The following RRM2B variants were observed in gnomAD, a reference collection of about 807,000 sequenced individuals.
The protein encoded by RRM2B is ribonucleotide reductase regulatory TP53 inducible subunit M2B, also known as ribonucleoside-diphosphate reductase subunit M2 B.
A neutral mutation model predicts 45.9 loss-of-function variants in RRM2B; 20 were observed. The ratio of observed to expected loss-of-function variants is 0.44; its 90% CI spans 0.31 to 0.63. The LOEUF (loss-of-function observed/expected upper bound fraction) is 0.63, where lower values mean the gene tolerates loss of function less well. RRM2B is among the 30% of genes least tolerant of loss of function. The probability of loss-of-function intolerance (pLI) is 0.09; values close to 1 mark genes in which losing one functional copy is unlikely to be tolerated. For missense variants in RRM2B, 320 were observed against 414.7 expected (o/e 0.77, Z 1.98); for synonymous variants, 124 against 132.3 (o/e 0.94, Z 0.43).
In RRM2B at chr8:102,225,019, C is replaced by CT; in HGVS notation, c.322-2dup. The stretch of plus-strand genomic sequence containing the variant: ...GCACCTCCTGACTAAAGCGCTCCAC[C>CT]TAAGAAGATAAGGAAAATAGATATA... On this transcript the variant is annotated splice_acceptor_variant, in intron 3 of 8. Coordinates refer to ENST00000251810, the MANE Select transcript of RRM2B (RefSeq NM_015713.5). LOFTEE classifies it high-confidence loss of function. The CT allele has an allele frequency of 1.2e-6, 2 of 1,613,994 alleles. No individual in the cohort carries two copies. The highest frequency in any genetic ancestry group is 1.7e-6 in the Non-Finnish European group (2 of 1,179,982).
At position 102,224,941 on chromosome 8, in the gene RRM2B, A is replaced by G; in HGVS notation, c.399T>C (p.Val133=). Residue 133 remains valine (V), a synonymous_variant, in exon 4 of 9, where the codon GTT becomes GTC. Coordinates refer to ENST00000251810, the MANE Select transcript of RRM2B (RefSeq NM_015713.5). ...FYGFQILIEN[V]HSEMYSLLID... ...TCAGCAAACTGTACATCTCTGAGTG[A>G]ACATTCTCGATGAGAATTTGAAAGC... is the stretch of plus-strand genomic sequence containing the variant. The G allele has an allele frequency of 6.2e-7, 1 of 1,613,702 alleles. No individual in the cohort carries two copies.
rs1810776471 is a variant in RRM2B, at chr8:102,218,806, T to C, written c.684+8A>G. On this transcript the variant is annotated splice_region_variant and intron_variant, in intron 6 of 8. Coordinates refer to ENST00000251810, the MANE Select transcript of RRM2B (RefSeq NM_015713.5). Reference sequence around the variant, plus strand: ...CAAATATAACTAGAAAAACATTCCATTCCTTACTTCATCTCTGCTGATGAG... The same window carrying C: ...CAAATATAACTAGAAAAACATTCCACTCCTTACTTCATCTCTGCTGATGAG... 1 of 1,604,290 alleles carries C rather than the reference T, an allele frequency of 6.2e-7. No individual in the cohort carries two copies.
rs1810927683 is a variant in RRM2B at position 102,226,117 on chromosome 8, G to A, written c.205-83C>T. The A allele has an allele frequency of 3.7e-6, 3 of 810,356 alleles. No homozygotes were observed. The African/African-American group carries it at 5.0e-5, about 14-fold the overall frequency. The allele number at this position is 810,356 out of a possible 1,614,324, so 50.2% of individuals were successfully genotyped here. A position where few individuals can be genotyped will look rare whatever the true frequency, so the allele number is the denominator to read the frequency against. ...TTGGGAAACTAACTTCTATTGTTAA[G>A]TAGGAATATCCCACTACCAGTAAAC... On this transcript the variant is annotated intron_variant, in intron 2 of 8. Transcript: ENST00000251810.
chr8:102,237,878 A>C (rs2132569118), intron 1 of RRM2B, among the ~76,000 whole-genome samples: 1 of 152,396 alleles, frequency 6.6e-6, no homozygotes, highest in East Asian at 1.9e-4. Context: ...AACTTTCTAA[A>C]GAAATGTAGG....
At chr8:102,229,505 C>A (rs1341725849) in intron 2 of RRM2B, among the ~76,000 whole-genome samples, 1 of 152,196 alleles carries the variant, frequency 6.6e-6, no homozygotes. Flanking sequence ...AAATATGCAA[C>A]CTAAAAATCA....
intron 2 of RRM2B, among the ~76,000 whole-genome samples, chr8:102,227,501 C>T (rs938164240): frequency 2.0e-5 from 3 of 151,282 alleles, no homozygotes; most frequent in Non-Finnish European, 4.4e-5. Flanking sequence ...AGGGTTTTGC[C>T]ATATTGCCCA....
At chr8:102,224,002 T>A (rs994678969) in intron 5 of RRM2B, 44 bp downstream of exon 5, 3 of 1,353,962 alleles carry the variant, frequency 2.2e-6, no homozygotes, top group Non-Finnish European at 3.2e-6. Context: ...TACTGTCATA[T>A]CACCTTAGGC....
At chr8:102,227,548 C>T (rs766365312) in intron 2 of RRM2B, among the ~76,000 whole-genome samples, 63 of 151,924 alleles carry the variant, frequency 4.1e-4, no homozygotes, top group Middle Eastern at 6.8e-3. Context: ...GTGATCTGCC[C>T]GCCTCAACCT....
At chr8:102,222,905 C>G (rs1810860270) in intron 5 of RRM2B, among the ~76,000 whole-genome samples, 1 of 151,950 alleles carries the variant, frequency 6.6e-6, no homozygotes, top group South Asian at 2.1e-4. Flanking sequence ...TCTTAGAATG[C>G]ACTAATAAAT....
intron 2 of RRM2B, among the ~76,000 whole-genome samples, chr8:102,229,307 C>G (rs1007556811): frequency 6.6e-6 from 1 of 152,052 alleles, no homozygotes; most frequent in African/African-American, 2.4e-5. Context: ...CCTCAAGCCT[C>G]AATCTCTTTG....
chr8:102,235,566 C>T (rs990040667), intron 1 of RRM2B, among the ~76,000 whole-genome samples: 6 of 152,202 alleles, frequency 3.9e-5, no homozygotes, highest in African/African-American at 1.2e-4. Context: ...TCAGGCCCGG[C>T]GTGGTGCCTC....
rs964816030 is a variant in RRM2B, at chr8:102,238,591, C to T, written c.48+236G>A. 3.3e-6 allele frequency: 5 copies of T among 1,526,500 alleles called. No homozygotes were observed. The African/African-American group carries it at 5.5e-5, about 17-fold the overall frequency. 94.6% of individuals were successfully genotyped at this position (1,526,500 alleles called of 1,614,324 possible). On this transcript the variant is annotated intron_variant, in intron 1 of 8. Transcript: ENST00000251810. ...TGAGGCCTCCAAGCGTCGTCCTTGG[C>T]TGGCCCCGGGGCAGAGCAGCGAGCG...
chr8:102,238,655 C>T (rs1346876653), intron 1 of RRM2B, 172 bp downstream of exon 1: 3 of 1,536,900 alleles, frequency 2.0e-6, no homozygotes, highest in Non-Finnish European at 2.6e-6. Context: ...TCCGCCCTCC[C>T]CGGGGACGGC....
rs941680341 is a variant in RRM2B at position 102,222,364 on chromosome 8, C to G, written c.550+1682G>C. 7.2e-5 allele frequency among the ~76,000 whole-genome samples: 11 copies of G among 152,266 alleles called. No individual in the cohort carries two copies. In the East Asian group the frequency reaches 1.9e-3, roughly 27 times the overall value. ...GCACTGGGATTACAGGCGTGAGCCA[C>G]CATGCCTGGCTGCTTTTCTCATTCT... On this transcript the variant is annotated intron_variant, in intron 5 of 8. Transcript: ENST00000251810.
At chr8:102,211,131 C>T (rs1441934835) in intron 8 of RRM2B, among the ~76,000 whole-genome samples, 2 of 144,732 alleles carry the variant, frequency 1.4e-5, no homozygotes, top group Non-Finnish European at 3.1e-5. Flanking sequence ...CCCAGCTCAG[C>T]TTCCCAAGTA....
At chr8:102,215,688 G>A (rs1004645185) in intron 6 of RRM2B, among the ~76,000 whole-genome samples, 2 of 152,036 alleles carry the variant, frequency 1.3e-5, no homozygotes, top group Admixed American at 1.3e-4. Flanking sequence ...GCTCATGCCT[G>A]TAATCCCAGC....
At chr8:102,222,973 AC>A (rs745836898) in intron 5 of RRM2B, among the ~76,000 whole-genome samples, 8 of 152,170 alleles carry the variant, frequency 5.3e-5, no homozygotes, top group Admixed American at 3.3e-4. Flanking sequence ...CCCATAACCT[AC>A]CCAAATAAAG....
chr8:102,234,483 C>T (rs772680780), intron 1 of RRM2B, among the ~76,000 whole-genome samples: 5 of 152,080 alleles, frequency 3.3e-5, no homozygotes, highest in Non-Finnish European at 7.3e-5. Context: ...CATCTTGAAA[C>T]TCTAGGCTCT....
chr8:102,232,340 A>G, intron 1 of RRM2B, 36 bp from the exon 2 acceptor site: 1 of 1,599,452 alleles, frequency 6.3e-7, no homozygotes, highest in East Asian at 2.2e-5. Context: ...CCTTTTATAT[A>G]GACATTTCTT....
Sources: gnomAD v4.1 joint callset for allele counts (sites outside exome capture counted in the v4.1 genomes callset) on GRCh38, gnomAD v4.1.1 for gene constraint, MANE v1.5 for transcripts, NCBI Gene and HGNC (gene_info 2026-07-23, HGNC 2026-07-21) for gene names.